The following DPP7 variants were observed in gnomAD, a reference collection of about 807,000 sequenced individuals.
The protein encoded by DPP7 is dipeptidyl peptidase 2.
Under a neutral mutation model 58.8 loss-of-function variants are expected in DPP7, and 74 were observed. That is an observed-to-expected ratio of 1.26 (90% CI 1.04 to 1.53). DPP7 has a LOEUF of 1.53. DPP7 is among the 40% of genes most tolerant of loss of function. DPP7 has a pLI of 0.00. For synonymous variants in DPP7, 350 were observed against 303.6 expected (o/e 1.15, Z -1.59); for missense variants, 807 against 692.3 (o/e 1.17, Z -1.86).
At position 137,112,780 on chromosome 9, in the gene DPP7, T is replaced by A; in HGVS notation, c.896A>T (p.Glu299Val). The change falls in exon 8 of 13, where the codon GAG becomes GTG. Residue 299 changes from glutamate (E) to valine (V), a missense_variant. Around this residue, in one of 3 missense-constraint regions of DPP7, gnomAD observed 624 missense variants for 531.2 expected, o/e 1.17. Transcript: ENST00000371579. ...VKVGCDRLLS[E>V]AQRITGLRAL... ...TCGCAGCCCCGTGATCCTCTGGGCC[T>A]CACTCAGCAGCCGATCACAGCCCAC... 6.2e-7 allele frequency: 1 copy of A among 1,609,378 alleles called. No homozygotes were observed. The highest frequency in any genetic ancestry group is 8.5e-7 in the Non-Finnish European group (1 of 1,179,356).
chr9:137,113,694 G>T (rs755344259), intron 4 of DPP7, 171 bp downstream of exon 4: 2 of 1,422,824 alleles, frequency 1.4e-6, no homozygotes, highest in Non-Finnish European at 1.8e-6. Context: ...CAGGTGGCTG[G>T]GAGGACAGGT....
rs906272903 is a variant in DPP7, at chr9:137,114,633, G to A, written c.67+14C>T. The A allele has an allele frequency of 1.1e-5, 16 of 1,397,048 alleles. No individual in the cohort carries two copies. The highest frequency in any genetic ancestry group is 1.5e-5 in the Non-Finnish European group (16 of 1,076,068). 86.5% of individuals were successfully genotyped at this position (1,397,048 alleles called of 1,614,324 possible). Reference sequence around the variant, plus strand: ...CCGGGACCGGGGAATGGGCCGGGGGGCGCCGCCACTCACCCCCCGCCTGGA... The same window carrying A: ...CCGGGACCGGGGAATGGGCCGGGGGACGCCGCCACTCACCCCCCGCCTGGA... On this transcript the variant is annotated intron_variant, in intron 1 of 12. Transcript: ENST00000371579.
At chr9:137,115,964 C>T (rs1003072095), upstream of DPP7, among the ~76,000 whole-genome samples, 7 of 152,228 alleles carry the variant, frequency 4.6e-5, no homozygotes, top group Admixed American at 1.3e-4. Context: ...GCTCCTTTGG[C>T]TCCCTCGGGT....
chr9:137,115,933 C>T (rs1831625960), upstream of DPP7, among the ~76,000 whole-genome samples: 1 of 152,090 alleles, frequency 6.6e-6, no homozygotes, highest in Non-Finnish European at 1.5e-5. Flanking sequence ...TACCCCACGG[C>T]GTCCCCCACC....
upstream of DPP7, among the ~76,000 whole-genome samples, chr9:137,117,280 C>A (rs780773799): frequency 5.3e-4 from 80 of 152,356 alleles, 1 homozygote; most frequent in Admixed American, 1.7e-3. Flanking sequence ...CAGGAGGACC[C>A]CAGGTCTGCA....
chr9:137,112,067 CCA>C (rs1210815579), intron 9 of DPP7, 38 bp from the exon 10 acceptor site: 7 of 1,612,212 alleles, frequency 4.3e-6, no homozygotes. Context: ...CAGCCCACGC[CCA>C]CCCTTGCCCC....
chr9:137,114,841 C>A (rs990918866), upstream of DPP7: 39 of 604,844 alleles, frequency 6.4e-5, no homozygotes, highest in Non-Finnish European at 8.0e-5. Context: ...TTCAGCGCCG[C>A]GCCGGGGCTG....
upstream of DPP7, chr9:137,114,838 C>T (rs1831581708): frequency 1.6e-6 from 1 of 623,114 alleles, no homozygotes; most frequent in Non-Finnish European, 2.3e-6. Context: ...TGCTTCAGCG[C>T]CGCGCCGGGG....
chr9:137,116,554 G>A (rs148712999), upstream of DPP7, among the ~76,000 whole-genome samples: 21 of 152,356 alleles, frequency 1.4e-4, no homozygotes, highest in Admixed American at 5.2e-4. Flanking sequence ...GCGGAAAGCC[G>A]CAGGGACCTC....
At chr9:137,112,640 G>A in intron 8 of DPP7, 105 bp downstream of exon 8, 6 of 1,365,870 alleles carry the variant, frequency 4.4e-6, no homozygotes, top group Non-Finnish European at 5.0e-6. Context: ...GGGGCAGGAG[G>A]CAAAGCCCCT....
chr9:137,110,773 G>C lies in DPP7; in HGVS notation c.1354C>G (p.Pro452Ala), dbSNP rs139799228. ...AHHLDLRASH[P>A]EDPASVVEAR... ...TCAACCACGGAAGCAGGATCTTCTG[G>C]GTGGGAGGCTCTGGGGAGCGGGCAC... The change falls in exon 13 of 13, where the codon CCA becomes GCA. Residue 452 changes from proline (P) to alanine (A), a missense_variant. Pro to Ala is a conservative substitution (Grantham distance 27, BLOSUM62 -1). This residue lies in a region of DPP7 where 624 missense variants were observed against 531.2 expected (regional missense o/e 1.17). Coordinates refer to ENST00000371579, the MANE Select transcript of DPP7 (RefSeq NM_013379.3). The C allele has an allele frequency of 6.9e-6, 11 of 1,605,442 alleles. No homozygotes were observed. The African/African-American group carries it at 1.5e-4, about 21-fold the overall frequency.
At chr9:137,111,431 G>A (rs1427820102) in intron 11 of DPP7, among the ~76,000 whole-genome samples, 2 of 152,200 alleles carry the variant, frequency 1.3e-5, no homozygotes, top group Non-Finnish European at 2.9e-5. Flanking sequence ...GGGGAAGATC[G>A]TTTGAGCCCA....
Position 137,114,471 on chromosome 9 carries a change from A to G in DPP7, c.173T>C (p.Leu58Pro), listed in dbSNP as rs757388454. ...FGNKTFPQRF[L>P]VSDRFWVRGE... Reference sequence around the variant, plus strand: ...CGGGGCCGGGGTCTCACCCGACACCAGGAAGCGCTGAGGGAAGGTCTTGTT... The same window carrying G: ...CGGGGCCGGGGTCTCACCCGACACCGGGAAGCGCTGAGGGAAGGTCTTGTT... Residue 58 changes from leucine (L) to proline (P), a missense_variant, in exon 2 of 13, where the codon CTG becomes CCG. Around this residue, in one of 3 missense-constraint regions of DPP7, gnomAD observed 168 missense variants for 124.1 expected, o/e 1.35. Transcript: ENST00000371579. The G allele has an allele frequency of 1.3e-6, 2 of 1,571,728 alleles. No homozygotes were observed. Among genetic ancestry groups the G allele is most frequent in the South Asian group, 2.3e-5 (2 of 86,494 alleles).
In DPP7 at chr9:137,114,499, C is replaced by T. The variant is rs375476962; in HGVS notation, c.145G>A (p.Gly49Ser). 2.1e-5 allele frequency: 34 copies of T among 1,583,148 alleles called. No individual in the cohort carries two copies. The South Asian group carries it at 2.3e-4, about 11-fold the overall frequency. Residue 49 changes from glycine (G) to serine (S), a missense_variant, in exon 2 of 13, where the codon GGC becomes AGC. Transcript: ENST00000371579. The part of the protein sequence containing the change: ...RLDHFNFERF[G>S]NKTFPQRFLV... The stretch of plus-strand genomic sequence containing the variant: ...AAGCGCTGAGGGAAGGTCTTGTTGC[C>T]GAAGCGCTCGAAGTTGAAGTGGTCC...
In DPP7 at chr9:137,114,699, G is replaced by A. The variant is rs1406048192; in HGVS notation, c.15C>T (p.Pro5=). 4 of 1,328,296 alleles carry A rather than the reference G, an allele frequency of 3.0e-6. No individual in the cohort carries two copies. In the Admixed American group the frequency reaches 1.7e-4, roughly 55 times the overall value. The allele number at this position is 1,328,296 out of a possible 1,614,324, so 82.3% of individuals were successfully genotyped here. ...GCGCCAGCAGCAGGACCGGGGCCCA[G>A]GGAGCGGAGCCCATGTCGCCTTCCG... MGSA[P]WAPVLLLALG... Residue 5 remains proline (P), a synonymous_variant, in exon 1 of 13, where the codon CCC becomes CCT. Coordinates refer to ENST00000371579, the MANE Select transcript of DPP7 (RefSeq NM_013379.3).
In DPP7 at chr9:137,114,381, G is replaced by A; in HGVS notation, c.183C>T (p.Asp61=). ...GCCCCTCGCCCCGGACCCAGAACCTGTCTGTGGGGAGGGCGGATGAGGCGA... is the reference window on the plus strand; with the variant it reads ...GCCCCTCGCCCCGGACCCAGAACCTATCTGTGGGGAGGGCGGATGAGGCGA... ...KTFPQRFLVS[D]RFWVRGEGPI... Residue 61 remains aspartate (D), a splice_region_variant and synonymous_variant, in exon 3 of 13, where the codon GAC becomes GAT. Coordinates refer to ENST00000371579, the MANE Select transcript of DPP7 (RefSeq NM_013379.3). The A allele has an allele frequency of 6.2e-7, 1 of 1,601,644 alleles. No homozygotes were observed. Among genetic ancestry groups the A allele is most frequent in the African/African-American group, 1.3e-5 (1 of 74,388 alleles).
In DPP7 at chr9:137,112,772, T is replaced by C. The variant is rs368738117; in HGVS notation, c.904A>G (p.Arg302Gly). Residue 302 changes from arginine to glycine, a missense_variant, in exon 8 of 13, where the codon AGG (arginine) becomes GGG (glycine). By Grantham distance (125) the Arg-to-Gly change is moderately radical. Transcript: ENST00000371579. ...GCDRLLSEAQ[R>G]ITGLRALAGL... The stretch of plus-strand genomic sequence containing the variant: ...GCCAGTGCTCGCAGCCCCGTGATCC[T>C]CTGGGCCTCACTCAGCAGCCGATCA... The C allele has an allele frequency of 6.8e-6, 11 of 1,609,058 alleles. No homozygotes were observed. The highest frequency in any genetic ancestry group is 1.7e-4 in the Middle Eastern group (1 of 6,008).
intron 4 of DPP7, 127 bp from the exon 5 acceptor site, chr9:137,113,623 C>T (rs775527461): frequency 2.7e-5 from 38 of 1,433,918 alleles, no homozygotes; most frequent in Non-Finnish European, 3.3e-5. Flanking sequence ...AACCCTGGGC[C>T]AGGTGCGGGT....
chr9:137,114,789 C>T (rs1466020468), upstream of DPP7: 8 of 1,042,090 alleles, frequency 7.7e-6, no homozygotes, highest in East Asian at 2.4e-4. Flanking sequence ...CCAGGCCCCA[C>T]GTGTTTCGGG....
Sources: gnomAD v4.1 joint callset for allele counts (sites outside exome capture counted in the v4.1 genomes callset) on GRCh38, gnomAD v4.1.1 for gene constraint, gnomAD v4.1.1 regional missense constraint, MANE v1.5 for transcripts, NCBI Gene and HGNC (gene_info 2026-07-23, HGNC 2026-07-21) for gene names.